DSCAM: variants seen among roughly 807,000 people sequenced by gnomAD.
DSCAM encodes cell adhesion molecule DSCAM.
In DSCAM, 47 loss-of-function variants were observed where a neutral mutation model predicts 217.7. The ratio of observed to expected loss-of-function variants is 0.22; its 90% CI spans 0.17 to 0.28. The LOEUF (loss-of-function observed/expected upper bound fraction) is 0.28, where lower values mean the gene tolerates loss of function less well. Among genes scored for constraint, DSCAM ranks in the 10% least tolerant of loss-of-function variants. The probability of loss-of-function intolerance (pLI) is 1.00; values close to 1 mark genes in which losing one functional copy is unlikely to be tolerated. For synonymous variants in DSCAM, 1,056 were observed against 1,015.3 expected, an observed-to-expected ratio of 1.04 and a Z score of -0.76; for missense variants, 2,080 against 2,618.3, an observed-to-expected ratio of 0.79 and a Z score of 4.49.
intron 3 of DSCAM, among the ~76,000 whole-genome samples, chr21:40,380,306 A>G (rs1196564154): frequency 2.6e-5 from 4 of 152,252 alleles, no homozygotes; most frequent in African/African-American, 4.8e-5. Context: ...TAGAAAGAAT[A>G]TAATTGTATA....
intron 3 of DSCAM, among the ~76,000 whole-genome samples, chr21:40,552,956 C>A (rs1031916316): frequency 9.2e-6 from 1 of 108,950 alleles, no homozygotes; most frequent in Non-Finnish European, 2.1e-5. Flanking sequence ...CATGTGGAAA[C>A]AGCTTTCTAA....
chr21:40,492,851 G>A (rs2076087189), intron 3 of DSCAM, among the ~76,000 whole-genome samples: 1 of 151,952 alleles, frequency 6.6e-6, no homozygotes, highest in Admixed American at 6.6e-5. Context: ...CAAATCTAGG[G>A]AAAGGTATAA....
chr21:40,418,535 G>A (rs2075393201), intron 3 of DSCAM, among the ~76,000 whole-genome samples: 1 of 152,114 alleles, frequency 6.6e-6, no homozygotes, highest in Admixed American at 6.5e-5. Context: ...GGGTTTTACT[G>A]GCAATCAAAG....
intron 3 of DSCAM, among the ~76,000 whole-genome samples, chr21:40,529,037 G>A (rs1043710095): frequency 2.0e-5 from 3 of 151,440 alleles, no homozygotes; most frequent in Admixed American, 1.3e-4. Context: ...CTGAGTAGCT[G>A]GGACTACAGG....
intron 10 of DSCAM, among the ~76,000 whole-genome samples, chr21:40,281,562 C>A (rs1279595607): frequency 1.3e-5 from 2 of 152,106 alleles, no homozygotes; most frequent in Non-Finnish European, 2.9e-5. Flanking sequence ...AATATATTAC[C>A]ATATTTACAA....
chr21:40,500,731 G>T (rs746458580), intron 3 of DSCAM, among the ~76,000 whole-genome samples: 4 of 152,204 alleles, frequency 2.6e-5, no homozygotes, highest in Non-Finnish European at 5.9e-5. Context: ...TAGTGGGCAG[G>T]AGTGGTTTCA....
chr21:40,642,164 T>C (rs1601816026), intron 3 of DSCAM, among the ~76,000 whole-genome samples: 1 of 152,204 alleles, frequency 6.6e-6, no homozygotes, highest in South Asian at 2.1e-4. Context: ...CTGGCACAGC[T>C]GGGCCCTGGC....
chr21:40,051,675 T>A (rs2088933971), intron 30 of DSCAM, among the ~76,000 whole-genome samples: 1 of 152,202 alleles, frequency 6.6e-6, no homozygotes, highest in Non-Finnish European at 1.5e-5. Context: ...AGTAGATTAC[T>A]TTTTTCCTTT....
intron 15 of DSCAM, among the ~76,000 whole-genome samples, chr21:40,170,767 G>GT: frequency 6.6e-6 from 1 of 152,222 alleles, no homozygotes; most frequent in Admixed American, 6.5e-5. Flanking sequence ...ACTGAGGCTG[G>GT]GTTACTTTAA....
chr21:40,799,768 C>A (rs1312001903), intron 1 of DSCAM, among the ~76,000 whole-genome samples: 2 of 152,260 alleles, frequency 1.3e-5, no homozygotes, highest in Admixed American at 6.5e-5. Flanking sequence ...TTTAAAGATT[C>A]TTGTGATTAC....
chr21:40,370,929 A>T (rs1424620654), intron 3 of DSCAM, among the ~76,000 whole-genome samples: 1 of 152,210 alleles, frequency 6.6e-6, no homozygotes, highest in African/African-American at 2.4e-5. Context: ...TACAGGCATG[A>T]GCCACCATGC....
chr21:40,754,203 T>C (rs2091254135), intron 1 of DSCAM, among the ~76,000 whole-genome samples: 1 of 152,210 alleles, frequency 6.6e-6, no homozygotes, highest in Admixed American at 6.5e-5. Flanking sequence ...CTCCTGATTT[T>C]ATCAGCACCT....
At chr21:40,780,063 G>T (rs1038694284) in intron 1 of DSCAM, among the ~76,000 whole-genome samples, 2 of 152,186 alleles carry the variant, frequency 1.3e-5, no homozygotes, top group African/African-American at 4.8e-5. Flanking sequence ...CTTTCTACAT[G>T]CATCTTCTCA....
At chr21:40,715,144 A>G (rs1039407562) in intron 1 of DSCAM, among the ~76,000 whole-genome samples, 4 of 152,254 alleles carry the variant, frequency 2.6e-5, no homozygotes, top group Non-Finnish European at 4.4e-5. Context: ...ATTCTGTTTT[A>G]GTAGCAGAAA....
chr21:40,292,185 CTTTTTTTTTTTT>C (rs11431306), intron 10 of DSCAM, among the ~76,000 whole-genome samples: 2 of 110,250 alleles, frequency 1.8e-5, no homozygotes, highest in Admixed American at 1.0e-4. Flanking sequence ...AATGTAATGA[CTTTTTTTTTTTT>C]TTTTTTTTTG....
Position 40,465,570 on chromosome 21 carries a change from G to T in DSCAM, c.509-96325C>A, listed in dbSNP as rs2075837960. On this transcript the variant is annotated intron_variant, in intron 3 of 32. Transcript: ENST00000400454. Reference sequence around the variant, plus strand: ...TTAGAGCACGCATGTCCCACCCGTGGCGTGCAGGCCACCCGCGGCCCAGGA... The same window carrying T: ...TTAGAGCACGCATGTCCCACCCGTGTCGTGCAGGCCACCCGCGGCCCAGGA... 2.6e-5 allele frequency among the ~76,000 whole-genome samples: 4 copies of T among 152,190 alleles called. No homozygotes were observed. In the South Asian group the frequency reaches 8.3e-4, roughly 31 times the overall value.
chr21:40,437,525 G>A (rs1350053322), intron 3 of DSCAM, among the ~76,000 whole-genome samples: 4 of 152,152 alleles, frequency 2.6e-5, no homozygotes, highest in Non-Finnish European at 5.9e-5. Context: ...GGAACAGAGA[G>A]GTTAAATAAC....
intron 3 of DSCAM, among the ~76,000 whole-genome samples, chr21:40,416,201 C>T (rs1329400650): frequency 6.6e-6 from 1 of 152,108 alleles, no homozygotes; most frequent in East Asian, 1.9e-4. Context: ...CTGCTCCTGC[C>T]CACTCCTCTA....
At chr21:40,610,700 G>T (rs1391508141) in intron 3 of DSCAM, among the ~76,000 whole-genome samples, 1 of 152,176 alleles carries the variant, frequency 6.6e-6, no homozygotes, top group Non-Finnish European at 1.5e-5. Flanking sequence ...AGGCATCAGG[G>T]TGGCCGTCAC....
Sources: gnomAD v4.1 joint callset for allele counts (sites outside exome capture counted in the v4.1 genomes callset) on GRCh38, gnomAD v4.1.1 for gene constraint, MANE v1.5 for transcripts, NCBI Gene and HGNC (gene_info 2026-07-23, HGNC 2026-07-21) for gene names.